HGD: variants seen among roughly 807,000 people sequenced by gnomAD.
HGD encodes homogentisate 1,2-dioxygenase.
A neutral mutation model predicts 60.8 loss-of-function variants in HGD; 61 were observed. The observed-to-expected ratio is 1.00, with a 90% CI of 0.82 to 1.24. The LOEUF (loss-of-function observed/expected upper bound fraction) is 1.24. Among genes scored for constraint, HGD ranks in the 50% most tolerant of loss-of-function variants. The pLI is 0.00. For missense variants in HGD, 542 were observed against 547.1 expected (o/e 0.99, Z 0.09); for synonymous variants, 212 against 187.7 (o/e 1.13, Z -1.06).
intron 13 of HGD, among the ~76,000 whole-genome samples, chr3:120,629,756 T>C (rs1940525944): frequency 6.6e-6 from 1 of 152,120 alleles, no homozygotes; most frequent in East Asian, 1.9e-4. Flanking sequence ...CTATTCAACA[T>C]AGTCTTAGAA....
chr3:120,670,392 T>C lies in HGD; in HGVS notation c.282+35A>G, dbSNP rs772325576. Reference sequence around the variant, plus strand: ...AGGTATTTCTAGTCAAGGCTTTGGGTATATGATAAGCTTCAATTCACAGGA... The same window carrying C: ...AGGTATTTCTAGTCAAGGCTTTGGGCATATGATAAGCTTCAATTCACAGGA... On this transcript the variant is annotated intron_variant, in intron 4 of 13. Coordinates refer to ENST00000283871, the MANE Select transcript of HGD (RefSeq NM_000187.4). 43 of 996,950 alleles carry C rather than the reference T, an allele frequency of 4.3e-5. No homozygotes were observed. In the South Asian group the frequency reaches 5.3e-4, roughly 12 times the overall value. The allele number at this position is 996,950 out of a possible 1,614,324, so 61.8% of individuals were successfully genotyped here.
Position 120,628,819 on chromosome 3 carries a change from C to T in HGD, c.1189-290G>A, listed in dbSNP as rs183051059. Among the ~76,000 whole-genome samples the T allele has an allele frequency of 1.8e-4, 28 of 152,248 alleles. No homozygotes were observed. The East Asian group carries it at 2.3e-3, about 13-fold the overall frequency. On this transcript the variant is annotated intron_variant, in intron 13 of 13. Transcript: ENST00000283871. ...GCTTCAAATTATCTTCATGGTATTA[C>T]GGAACTAAGTCTGCTAGATCCAAGG...
At chr3:120,636,755 A>G (rs556552154) in intron 12 of HGD, among the ~76,000 whole-genome samples, 35 of 152,326 alleles carry the variant, frequency 2.3e-4, no homozygotes, top group Non-Finnish European at 4.1e-4. Context: ...TTGACCATGG[A>G]GTGGCCTACG....
At chr3:120,649,139 CTTTTTTTTT>C (rs10572267) in intron 6 of HGD, among the ~76,000 whole-genome samples, 9 of 94,410 alleles carry the variant, frequency 9.5e-5, no homozygotes, top group African/African-American at 2.6e-4. Flanking sequence ...TCTTCTTTTT[CTTTTTTTTT>C]TTTTTTTTTT....
intron 4 of HGD, among the ~76,000 whole-genome samples, chr3:120,669,814 A>T (rs536387672): frequency 5.9e-5 from 9 of 152,198 alleles, no homozygotes; most frequent in Non-Finnish European, 1.0e-4. Context: ...TCCTTTGCCC[A>T]ATTAAACTCT....
chr3:120,628,338 C>T lies in HGD; in HGVS notation c.*42G>A, dbSNP rs374327803. 1.2e-6 allele frequency: 2 copies of T among 1,602,848 alleles called. No individual in the cohort carries two copies. Among genetic ancestry groups the T allele is most frequent in the African/African-American group, 2.7e-5 (2 of 74,658 alleles). The stretch of plus-strand genomic sequence containing the variant: ...AGAAAGCATGAGATTCTGAAGAAAT[C>T]TTCACAAATCTACTCTTAATTATGG... On this transcript the variant is annotated 3_prime_UTR_variant, in exon 14 of 14. Coordinates refer to ENST00000283871, the MANE Select transcript of HGD (RefSeq NM_000187.4).
At chr3:120,644,553 A>G in intron 9 of HGD, 110 bp from the exon 10 acceptor site, 1 of 1,572,128 alleles carries the variant, frequency 6.4e-7, no homozygotes, top group Non-Finnish European at 8.6e-7. Flanking sequence ...TACTCCACAA[A>G]TTGCTTTCAT....
intron 12 of HGD, among the ~76,000 whole-genome samples, chr3:120,635,004 C>G (rs546337427): frequency 3.2e-4 from 49 of 152,342 alleles, no homozygotes; most frequent in African/African-American, 1.2e-3. Flanking sequence ...TGTCAAGCTC[C>G]TTGCTCTAGT....
intron 4 of HGD, among the ~76,000 whole-genome samples, chr3:120,659,423 A>G (rs1009699178): frequency 6.6e-6 from 1 of 152,194 alleles, no homozygotes; most frequent in Non-Finnish European, 1.5e-5. Context: ...ACAGATCCCT[A>G]GGGCAGGAGC....
At chr3:120,642,754 T>A (rs1422577983) in intron 10 of HGD, among the ~76,000 whole-genome samples, 3 of 152,196 alleles carry the variant, frequency 2.0e-5, no homozygotes, top group Non-Finnish European at 4.4e-5. Context: ...AGAAACACAG[T>A]CCTAAACAGC....
chr3:120,668,149 A>T (rs776159615), intron 4 of HGD, among the ~76,000 whole-genome samples: 33 of 152,326 alleles, frequency 2.2e-4, no homozygotes, highest in Non-Finnish European at 5.9e-5. Flanking sequence ...TGTCTGCTTT[A>T]TGCATTAAAC....
intron 4 of HGD, among the ~76,000 whole-genome samples, chr3:120,656,093 T>TAAG (rs910484478): frequency 6.6e-6 from 1 of 152,206 alleles, no homozygotes; most frequent in African/African-American, 2.4e-5. Context: ...GATGGCCTTA[T>TAAG]AAGAAGAAGA....
At chr3:120,647,123 C>CT in intron 7 of HGD, 71 bp from the exon 8 acceptor site, 1 of 1,176,328 alleles carries the variant, frequency 8.5e-7, no homozygotes, top group Non-Finnish European at 1.3e-6. Flanking sequence ...ACAGGAAAGG[C>CT]TTAAGGCTGC....
chr3:120,646,656 T>TAA (rs201866348), intron 8 of HGD, among the ~76,000 whole-genome samples: 11 of 141,306 alleles, frequency 7.8e-5, no homozygotes, highest in Non-Finnish European at 9.3e-5. Context: ...TTAGCCACAC[T>TAA]AAAAAAAAAA....
In HGD at chr3:120,674,785, T is replaced by C. The variant is rs141777071; in HGVS notation, c.176+116A>G. ...TGACCATGACCCAGACCATAGCCTATAAGAAGCAGGATCTTGGGCAGCTCT... is the reference window on the plus strand; with the variant it reads ...TGACCATGACCCAGACCATAGCCTACAAGAAGCAGGATCTTGGGCAGCTCT... On this transcript the variant is annotated intron_variant, in intron 3 of 13. Coordinates refer to ENST00000283871, the MANE Select transcript of HGD (RefSeq NM_000187.4). The C allele has an allele frequency of 1.9e-3, 1,445 of 748,556 alleles. 17 individuals are homozygous for C. Among genetic ancestry groups the C allele is most frequent in the South Asian group, 0.01 (741 of 73,148 alleles). 46.4% of individuals were successfully genotyped at this position (748,556 alleles called of 1,614,324 possible).
intron 9 of HGD, among the ~76,000 whole-genome samples, chr3:120,644,863 A>G (rs150751581): frequency 0.021 from 3,229 of 152,028 alleles, 50 homozygotes; most frequent in Middle Eastern, 0.041. Flanking sequence ...AAAGGGTTAC[A>G]CGCTGTTGCC....
At chr3:120,644,870 T>G (rs1941112269) in intron 9 of HGD, among the ~76,000 whole-genome samples, 1 of 151,436 alleles carries the variant, frequency 6.6e-6, no homozygotes, top group Non-Finnish European at 1.5e-5. Flanking sequence ...TACACGCTGT[T>G]GCCTAAGGCA....
chr3:120,629,727 A>T (rs1468330823), intron 13 of HGD, among the ~76,000 whole-genome samples: 1 of 152,194 alleles, frequency 6.6e-6, no homozygotes, highest in East Asian at 1.9e-4. Flanking sequence ...TAAGACAAGG[A>T]TGCTCTCTCT....
intron 13 of HGD, among the ~76,000 whole-genome samples, chr3:120,630,956 T>C (rs1940576636): frequency 6.6e-6 from 1 of 151,638 alleles, no homozygotes; most frequent in African/African-American, 2.4e-5. Context: ...TGGAGGCCAT[T>C]ATCCTTGGCA....
Sources: allele counts gnomAD v4.1 joint callset (sites outside exome capture counted in the v4.1 genomes callset), GRCh38; gene constraint gnomAD v4.1.1; transcripts MANE v1.5; gene names NCBI Gene and HGNC (gene_info 2026-07-23, HGNC 2026-07-21).